The following PLA2G12B variants were observed in gnomAD, a reference collection of about 807,000 sequenced individuals.
PLA2G12B encodes the protein group XIIB secretory phospholipase A2-like protein.
Under a neutral mutation model 22.3 loss-of-function variants are expected in PLA2G12B, and 19 were observed. The ratio of observed to expected loss-of-function variants is 0.85; its 90% CI spans 0.60 to 1.25. The LOEUF (loss-of-function observed/expected upper bound fraction) is 1.25, where lower values mean the gene tolerates loss of function less well. Among genes scored for constraint, PLA2G12B ranks in the 50% most tolerant of loss-of-function variants. The pLI is 0.00. For missense variants in PLA2G12B, 191 were observed against 246.6 expected (o/e 0.77, Z 1.51); for synonymous variants, 81 against 94.9 (o/e 0.85, Z 0.85).
At position 72,943,898 on chromosome 10, in the gene PLA2G12B, A is replaced by T. The variant is rs138305386; in HGVS notation, c.212-1158T>A. Reference sequence around the variant, plus strand: ...TTAGGAGATACAAGACCCTAGTGTAAGACTGGGGAAATGTGCTAAGAATAA... The same window carrying T: ...TTAGGAGATACAAGACCCTAGTGTATGACTGGGGAAATGTGCTAAGAATAA... On this transcript the variant is annotated intron_variant, in intron 1 of 3. Coordinates refer to ENST00000373032, the MANE Select transcript of PLA2G12B (RefSeq NM_032562.5). Among the ~76,000 whole-genome samples, 19 of 152,350 alleles carry T rather than the reference A, an allele frequency of 1.2e-4. No individual in the cohort carries two copies. In the East Asian group the frequency reaches 3.3e-3, roughly 26 times the overall value.
Position 72,935,598 on chromosome 10 carries a change from G to T in PLA2G12B, c.*19C>A, listed in dbSNP as rs1480427198. 6.2e-7 allele frequency: 1 copy of T among 1,613,300 alleles called. No individual in the cohort carries two copies. Among genetic ancestry groups the T allele is most frequent in the Non-Finnish European group, 8.5e-7 (1 of 1,179,596 alleles). The stretch of plus-strand genomic sequence containing the variant: ...ACAGCTGTGGTGTCACTCAAAACCA[G>T]GAAGGAATCACTTCTTCCTCATAAC... On this transcript the variant is annotated 3_prime_UTR_variant, in exon 4 of 4. Coordinates refer to ENST00000373032, the MANE Select transcript of PLA2G12B (RefSeq NM_032562.5).
At chr10:72,943,656 T>C (rs934466355) in intron 1 of PLA2G12B, among the ~76,000 whole-genome samples, 2 of 152,206 alleles carry the variant, frequency 1.3e-5, no homozygotes, top group Non-Finnish European at 2.9e-5. Context: ...GTTGTATCAA[T>C]GGCAGTGCTC....
At chr10:72,942,832 T>C (rs927666281) in intron 1 of PLA2G12B, 92 bp from the exon 2 acceptor site, 1 of 1,162,214 alleles carries the variant, frequency 8.6e-7, no homozygotes, top group Non-Finnish European at 1.2e-6. Context: ...TCTAAAAGCA[T>C]ATTTCACTTT....
At chr10:72,949,880 G>A (rs1041161896) in intron 1 of PLA2G12B, among the ~76,000 whole-genome samples, 1 of 152,306 alleles carries the variant, frequency 6.6e-6, no homozygotes, top group African/African-American at 2.4e-5. Context: ...AGGAGGCTGA[G>A]GTAGGAGAAT....
chr10:72,947,274 T>C (rs1467950123), intron 1 of PLA2G12B, among the ~76,000 whole-genome samples: 1 of 152,174 alleles, frequency 6.6e-6, no homozygotes, highest in East Asian at 1.9e-4. Flanking sequence ...GGTCTCTCAC[T>C]CTGTCACCCA....
At chr10:72,953,529 T>C (rs147193373) in intron 1 of PLA2G12B, among the ~76,000 whole-genome samples, 407 of 152,328 alleles carry the variant, frequency 2.7e-3, no homozygotes, top group Admixed American at 0.025. Context: ...AGATAGTTGA[T>C]AAATTAAACC....
At chr10:72,954,289 T>C (rs991821744) in intron 1 of PLA2G12B, among the ~76,000 whole-genome samples, 186 bp downstream of exon 1, 2 of 152,216 alleles carry the variant, frequency 1.3e-5, no homozygotes, top group Admixed American at 6.5e-5. Context: ...GACATACTTA[T>C]ACTAATGACT....
intron 1 of PLA2G12B, among the ~76,000 whole-genome samples, chr10:72,951,068 T>A (rs919146397): frequency 9.9e-5 from 15 of 152,208 alleles, no homozygotes; most frequent in African/African-American, 3.4e-4. Flanking sequence ...GTCTTTCTCA[T>A]AACGTTTATA....
chr10:72,940,739 A>G (rs1846347010), intron 3 of PLA2G12B, among the ~76,000 whole-genome samples: 1 of 151,984 alleles, frequency 6.6e-6, no homozygotes, highest in South Asian at 2.1e-4. Context: ...TATGCAGAAA[A>G]GGTTTTTTGA....
At chr10:72,946,278 G>T (rs961195739) in intron 1 of PLA2G12B, among the ~76,000 whole-genome samples, 3 of 152,172 alleles carry the variant, frequency 2.0e-5, no homozygotes, top group Non-Finnish European at 4.4e-5. Context: ...GTTGTAGTAT[G>T]TATCAGTACT....
chr10:72,939,002 T>C (rs1846319411), intron 3 of PLA2G12B, among the ~76,000 whole-genome samples: 1 of 152,234 alleles, frequency 6.6e-6, no homozygotes, highest in Non-Finnish European at 1.5e-5. Context: ...TCCTAACCTT[T>C]ATGGTCAATT....
At position 72,952,359 on chromosome 10, in the gene PLA2G12B, TGG is replaced by T. The variant is rs1374743983; in HGVS notation, c.211+2114_211+2115del. On this transcript the variant is annotated intron_variant, in intron 1 of 3. Transcript: ENST00000373032. ...AAGTTACAAAATTATCTGGGCATGG[TGG>T]CGCACACCTGTAGCCCAAGCTAACT... Among the ~76,000 whole-genome samples, 13 of 152,330 alleles carry T rather than the reference TGG, an allele frequency of 8.5e-5. 1 individual carries two copies. Among genetic ancestry groups the T allele is most frequent in the African/African-American group, 2.6e-4 (11 of 41,580 alleles).
intron 1 of PLA2G12B, among the ~76,000 whole-genome samples, chr10:72,946,919 C>G (rs957045118): frequency 2.7e-5 from 4 of 150,616 alleles, no homozygotes; most frequent in Middle Eastern, 3.2e-3. Flanking sequence ...TTGTTTTCAT[C>G]TTCTTTTTTT....
chr10:72,949,068 C>A (rs1011099596), intron 1 of PLA2G12B, among the ~76,000 whole-genome samples: 3 of 152,158 alleles, frequency 2.0e-5, no homozygotes, highest in African/African-American at 4.8e-5. Context: ...CTGGTTCCCC[C>A]AAAGGTGCTA....
At chr10:72,945,609 C>A (rs1460451105) in intron 1 of PLA2G12B, among the ~76,000 whole-genome samples, 1 of 151,868 alleles carries the variant, frequency 6.6e-6, no homozygotes, top group Non-Finnish European at 1.5e-5. Context: ...TTCGAGGTAC[C>A]TTTTTGCTCA....
intron 1 of PLA2G12B, among the ~76,000 whole-genome samples, chr10:72,953,596 T>C (rs925860587): frequency 6.6e-6 from 1 of 152,182 alleles, no homozygotes; most frequent in African/African-American, 2.4e-5. Context: ...AACGTTTTCA[T>C]GCGCATTGGC....
chr10:72,950,529 G>A (rs927862277), intron 1 of PLA2G12B, among the ~76,000 whole-genome samples: 3 of 152,110 alleles, frequency 2.0e-5, no homozygotes, highest in Non-Finnish European at 4.4e-5. Flanking sequence ...TGCCCAGGCT[G>A]GAGTGCAATG....
chr10:72,938,596 G>A (rs1309854990), intron 3 of PLA2G12B, among the ~76,000 whole-genome samples: 9 of 151,962 alleles, frequency 5.9e-5, no homozygotes, highest in Admixed American at 2.6e-4. Context: ...ACATTAAAAA[G>A]AATAAAATAC....
At chr10:72,953,395 GT>G (rs1005888116) in intron 1 of PLA2G12B, among the ~76,000 whole-genome samples, 2 of 152,146 alleles carry the variant, frequency 1.3e-5, no homozygotes, top group African/African-American at 4.8e-5. Context: ...GAAGTATGTA[GT>G]TTTTTTGTGC....
Sources: gnomAD v4.1 joint callset for allele counts (sites outside exome capture counted in the v4.1 genomes callset) on GRCh38, gnomAD v4.1.1 for gene constraint, MANE v1.5 for transcripts, NCBI Gene and HGNC (gene_info 2026-07-23, HGNC 2026-07-21) for gene names.